Variants in ACSL5 observed in about 807,000 individuals in gnomAD.
ACSL5 encodes the protein acyl-CoA synthetase long chain family member 5.
A neutral mutation model predicts 84.9 loss-of-function variants in ACSL5; 50 were observed. The observed-to-expected ratio is 0.59, with a 90% CI of 0.47 to 0.75. ACSL5 has a LOEUF of 0.75. Among genes scored for constraint, ACSL5 ranks in the 30% least tolerant of loss-of-function variants. The pLI is 0.00. For missense variants in ACSL5, 775 were observed against 830.4 expected, an observed-to-expected ratio of 0.93 and a Z score of 0.82; for synonymous variants, 280 against 300.7, an observed-to-expected ratio of 0.93 and a Z score of 0.71.
rs1271240214 is a variant in ACSL5 at position 112,401,325 on chromosome 10, A to G, written c.265+2316A>G. 2.6e-5 allele frequency among the ~76,000 whole-genome samples: 4 copies of G among 152,220 alleles called. No homozygotes were observed. In the South Asian group the frequency reaches 6.2e-4, roughly 24 times the overall value. ...AGACTCACTTGGGGCTACTGTTTAAAATATATATCTTCTGGTTACACCTTA... is the reference window on the plus strand; with the variant it reads ...AGACTCACTTGGGGCTACTGTTTAAGATATATATCTTCTGGTTACACCTTA... On this transcript the variant is annotated intron_variant, in intron 3 of 20. Coordinates refer to ENST00000354655, the MANE Select transcript of ACSL5 (RefSeq NM_203379.2).
chr10:112,399,150 A>G (rs4918748), intron 3 of ACSL5, 141 bp downstream of exon 3: 342,722 of 681,998 alleles, frequency 0.5, 88,416 homozygotes, highest in Admixed American at 0.62. Context: ...AATAGAGGCA[A>G]CATTAGAACA....
intron 14 of ACSL5, 115 bp from the exon 15 acceptor site, chr10:112,421,478 C>T: frequency 1.1e-6 from 1 of 875,044 alleles, no homozygotes; most frequent in Admixed American, 1.9e-5. Context: ...GGTTTTAAGA[C>T]ACTAAGTGGT....
intron 1 of ACSL5, 23 bp from the exon 2 acceptor site, chr10:112,394,895 C>A (rs774645066): frequency 6.2e-7 from 1 of 1,607,630 alleles, no homozygotes; most frequent in Non-Finnish European, 8.5e-7. Context: ...TCTAAATTTT[C>A]TTTCCCCTGT....
intron 12 of ACSL5, among the ~76,000 whole-genome samples, chr10:112,414,352 CTTTTTTTTTT>C (rs34464188): frequency 2.3e-5 from 2 of 85,502 alleles, no homozygotes; most frequent in Non-Finnish European, 2.2e-5. Flanking sequence ...TTCAGTGATT[CTTTTTTTTTT>C]TTTTTTTTTT....
intron 12 of ACSL5, 132 bp from the exon 13 acceptor site, chr10:112,416,756 C>T: frequency 1.0e-6 from 1 of 973,476 alleles, no homozygotes; most frequent in Non-Finnish European, 1.5e-6. Context: ...CATTATTCAG[C>T]AATCCAATTC....
intron 3 of ACSL5, among the ~76,000 whole-genome samples, chr10:112,402,165 G>T (rs1358937769): frequency 6.6e-6 from 1 of 151,902 alleles, no homozygotes; most frequent in Non-Finnish European, 1.5e-5. Context: ...ATGGAGTTTT[G>T]CCATGTTGCC....
intron 3 of ACSL5, among the ~76,000 whole-genome samples, chr10:112,403,217 A>C (rs1335416885): frequency 6.6e-6 from 1 of 152,252 alleles, no homozygotes; most frequent in Non-Finnish European, 1.5e-5. Context: ...AAAAGGTCCC[A>C]CTTTACTAGC....
chr10:112,398,761 T>A (rs1387453640), intron 2 of ACSL5, 140 bp from the exon 3 acceptor site: 2 of 686,696 alleles, frequency 2.9e-6, no homozygotes, highest in East Asian at 2.7e-5. Context: ...TGGGGATTTT[T>A]AAAAATCAAT....
At chr10:112,425,595 TAAAAA>T in intron 18 of ACSL5, 114 bp downstream of exon 18, 3 of 537,138 alleles carry the variant, frequency 5.6e-6, no homozygotes, top group Non-Finnish European at 2.7e-6. Flanking sequence ...CTTATAAAAC[TAAAAA>T]AAAAAAAAAA....
intron 12 of ACSL5, 77 bp downstream of exon 12, chr10:112,413,384 T>C (rs559572069): frequency 6.6e-7 from 1 of 1,522,506 alleles, no homozygotes; most frequent in South Asian, 1.2e-5. Context: ...TGAGATTTAC[T>C]CCACCTCTAC....
At chr10:112,393,397 C>T (rs372423471) in intron 1 of ACSL5, among the ~76,000 whole-genome samples, 7 of 152,272 alleles carry the variant, frequency 4.6e-5, no homozygotes, top group East Asian at 1.9e-4. Context: ...AATAACTAAT[C>T]GAGAGGCAGA....
In ACSL5 at chr10:112,376,396, G is replaced by T. The variant is rs146797148; in HGVS notation, c.-30+2127G>T. The T allele has an allele frequency of 9.0e-5, 145 of 1,614,160 alleles. 1 individual carries two copies. In the African/African-American group the frequency reaches 1.8e-3, roughly 20 times the overall value. On this transcript the variant is annotated intron_variant, in intron 1 of 20. Transcript: ENST00000354655. ...ACTCGTGTGGCAGGAAGAACTCAGA[G>T]CCGGGAAGCCCCCATTCACTAGAAG...
At chr10:112,397,787 C>T (rs1162072856) in intron 2 of ACSL5, among the ~76,000 whole-genome samples, 1 of 152,116 alleles carries the variant, frequency 6.6e-6, no homozygotes, top group Non-Finnish European at 1.5e-5. Flanking sequence ...TCCTTATGAC[C>T]TACCCATACT....
intron 2 of ACSL5, chr10:112,396,179 G>T (rs2133594853): frequency 6.6e-6 from 1 of 152,212 alleles, no homozygotes; most frequent in Non-Finnish European, 1.5e-5. Context: ...CTTCTTTCTT[G>T]AAACTCCTCC....
rs1443973892 is a variant in ACSL5 at position 112,426,269 on chromosome 10, AG to A, written c.1751del (p.Gly584GlufsTer19). The A allele has an allele frequency of 1.2e-6, 2 of 1,613,826 alleles. No individual in the cohort carries two copies. The highest frequency in any genetic ancestry group is 2.7e-5 in the African/African-American group (2 of 74,938). The part of the protein sequence containing the change: ...HGESLRSSLV[G>X]VVVPDTDVLP... ...TTTCCTTTCCATAGTCATCCTTAGT[AG>A]GAGTGGTGGTTCCTGACACAGATGT... On this transcript the variant is annotated frameshift_variant, in exon 19 of 21. Coordinates refer to ENST00000354655, the MANE Select transcript of ACSL5 (RefSeq NM_203379.2). LOFTEE classifies it high-confidence loss of function.
chr10:112,401,289 T>C (rs1253073112), intron 3 of ACSL5, among the ~76,000 whole-genome samples: 1 of 152,232 alleles, frequency 6.6e-6, no homozygotes, highest in Non-Finnish European at 1.5e-5. Flanking sequence ...GCTAGTAGTT[T>C]GTTTATCTTG....
chr10:112,391,503 T>A (rs35583048), intron 1 of ACSL5, among the ~76,000 whole-genome samples: 1 of 152,226 alleles, frequency 6.6e-6, no homozygotes, highest in South Asian at 2.1e-4. Flanking sequence ...TCCTTCATTG[T>A]CTTCCTCAAA....
intron 1 of ACSL5, among the ~76,000 whole-genome samples, chr10:112,377,825 A>G (rs1038162706): frequency 1.3e-5 from 2 of 152,216 alleles, no homozygotes; most frequent in Non-Finnish European, 2.9e-5. Context: ...CAGGCAAGTA[A>G]TATAGAGAAG....
chr10:112,381,881 C>T (rs777418105), intron 1 of ACSL5, among the ~76,000 whole-genome samples: 4 of 152,094 alleles, frequency 2.6e-5, no homozygotes, highest in South Asian at 2.1e-4. Flanking sequence ...ACAAAAGAAT[C>T]GCTTGACTCC....
Sources: gnomAD v4.1 joint callset for allele counts (sites outside exome capture counted in the v4.1 genomes callset) on GRCh38, gnomAD v4.1.1 for gene constraint, MANE v1.5 for transcripts, NCBI Gene and HGNC (gene_info 2026-07-23, HGNC 2026-07-21) for gene names.